CARMIL1: variants seen among roughly 807,000 people sequenced by gnomAD.
CARMIL1 encodes F-actin-uncapping protein LRRC16A.
A neutral mutation model predicts 177.1 loss-of-function variants in CARMIL1; 90 were observed. The observed-to-expected ratio is 0.51, with a 90% CI of 0.43 to 0.61. The LOEUF is 0.61. Ranked by LOEUF, CARMIL1 falls within the 20% of genes least tolerant of loss-of-function variation. CARMIL1 has a pLI of 0.00. For missense variants in CARMIL1, 1,380 were observed against 1,667.0 expected (o/e 0.83, Z 3.00); for synonymous variants, 577 against 606.2 (o/e 0.95, Z 0.71).
intron 8 of CARMIL1, among the ~76,000 whole-genome samples, chr6:25,461,432 C>T (rs1392943871): frequency 6.6e-6 from 1 of 152,216 alleles, no homozygotes; most frequent in African/African-American, 2.4e-5. Context: ...AAGAGTTCCT[C>T]ATTCACGTGT....
intron 2 of CARMIL1, among the ~76,000 whole-genome samples, chr6:25,373,078 C>T (rs1289516985): frequency 6.6e-6 from 1 of 151,982 alleles, no homozygotes; most frequent in Non-Finnish European, 1.5e-5. Flanking sequence ...TTAAATCATC[C>T]CTACATCCTG....
At chr6:25,407,162 G>C (rs1794450892) in intron 2 of CARMIL1, among the ~76,000 whole-genome samples, 5 of 152,118 alleles carry the variant, frequency 3.3e-5, no homozygotes. Flanking sequence ...CACTAGATGA[G>C]TGAATTGGAG....
At chr6:25,382,560 C>T (rs756941988) in intron 2 of CARMIL1, among the ~76,000 whole-genome samples, 27 of 152,088 alleles carry the variant, frequency 1.8e-4, no homozygotes, top group Non-Finnish European at 2.8e-4. Context: ...CTTTTATTCC[C>T]TTATTTGTCC....
chr6:25,455,735 G>T (rs1322167364), intron 8 of CARMIL1, among the ~76,000 whole-genome samples: 1 of 152,096 alleles, frequency 6.6e-6, no homozygotes, highest in Admixed American at 6.5e-5. Context: ...TTTCTGCCTA[G>T]AAGTTTGTAA....
At chr6:25,398,376 A>G (rs1006538192) in intron 2 of CARMIL1, among the ~76,000 whole-genome samples, 3 of 152,246 alleles carry the variant, frequency 2.0e-5, no homozygotes, top group South Asian at 4.1e-4. Flanking sequence ...CAAGTATATT[A>G]AAGTAATGGA....
chr6:25,484,799 G>A (rs1006586382), intron 12 of CARMIL1, among the ~76,000 whole-genome samples: 13 of 152,102 alleles, frequency 8.5e-5, no homozygotes, highest in Non-Finnish European at 1.8e-4. Context: ...AAGTTTATAT[G>A]ACTTGTGTAC....
rs189044678 is a variant in CARMIL1, at chr6:25,471,257, C to T, written c.779C>T (p.Thr260Ile). 203 of 1,603,872 alleles carry T rather than the reference C, an allele frequency of 1.3e-4. No homozygotes were observed. The highest frequency in any genetic ancestry group is 5.0e-4 in the Middle Eastern group (3 of 6,034). ...GTGTTGGAAAATGCTGGACTTAGAACGTGAGTATTTTCCTGAATATATAAA... is the reference window on the plus strand; with the variant it reads ...GTGTTGGAAAATGCTGGACTTAGAATGTGAGTATTTTCCTGAATATATAAA... ...ELVLENAGLRTDFAQKLASAL... is the reference protein window; with the variant it reads ...ELVLENAGLRIDFAQKLASAL... Residue 260 changes from threonine (T) to isoleucine (I), a missense_variant and splice_region_variant, in exon 10 of 37, where the codon ACA (threonine) becomes ATA (isoleucine). Physicochemically the swap from Thr to Ile is moderately conservative, Grantham distance 89. Coordinates refer to ENST00000329474, the MANE Select transcript of CARMIL1 (RefSeq NM_017640.6).
intron 8 of CARMIL1, among the ~76,000 whole-genome samples, chr6:25,453,883 CTTTA>C (rs1432646698): frequency 6.6e-6 from 1 of 152,026 alleles, no homozygotes; most frequent in African/African-American, 2.4e-5. Context: ...TTTGGACTTA[CTTTA>C]TTATGCCATA....
At chr6:25,611,552 A>T (rs1816505796) in intron 36 of CARMIL1, among the ~76,000 whole-genome samples, 1 of 152,200 alleles carries the variant, frequency 6.6e-6, no homozygotes, top group Non-Finnish European at 1.5e-5. Flanking sequence ...TTTACTTTTA[A>T]GGAAGCGTTG....
At chr6:25,290,581 A>G (rs1781872771) in intron 2 of CARMIL1, among the ~76,000 whole-genome samples, 1 of 151,316 alleles carries the variant, frequency 6.6e-6, no homozygotes, top group African/African-American at 2.4e-5. Context: ...TTTGATTTGG[A>G]ATTTGGGTTA....
At chr6:25,460,528 C>G (rs142056931) in intron 8 of CARMIL1, among the ~76,000 whole-genome samples, 340 of 152,298 alleles carry the variant, frequency 2.2e-3, no homozygotes, top group African/African-American at 7.7e-3. Flanking sequence ...TCACTCTACA[C>G]TAGACCTTGC....
At chr6:25,351,368 C>T (rs1231333115) in intron 2 of CARMIL1, among the ~76,000 whole-genome samples, 1 of 152,114 alleles carries the variant, frequency 6.6e-6, no homozygotes, top group Non-Finnish European at 1.5e-5. Context: ...ATTTAAACTT[C>T]CACACACAGC....
chr6:25,482,252 C>T lies in CARMIL1; in HGVS notation c.875-5C>T. The T allele has an allele frequency of 6.7e-7, 1 of 1,502,770 alleles. No homozygotes were observed. The highest frequency in any genetic ancestry group is 9.1e-7 in the Non-Finnish European group (1 of 1,097,270). 93.1% of individuals were successfully genotyped at this position (1,502,770 alleles called of 1,614,324 possible). On this transcript the variant is annotated splice_polypyrimidine_tract_variant and splice_region_variant and intron_variant, in intron 11 of 36. Transcript: ENST00000329474. ...AATTCTAATCGCTTCTTTTTCCTTTCTCAGGTGTGTCCTCTTTAAGTATTC... is the reference window on the plus strand; with the variant it reads ...AATTCTAATCGCTTCTTTTTCCTTTTTCAGGTGTGTCCTCTTTAAGTATTC...
chr6:25,328,833 AAT>A lies in CARMIL1; in HGVS notation c.138+43925_138+43926del, dbSNP rs1785351168. On this transcript the variant is annotated intron_variant, in intron 2 of 36. Transcript: ENST00000329474. ...ATAATTAAAAATTTAAAAAAAATGC[AAT>A]GAGAGGGGAAAAAAATCTCCTGGAT... Among the ~76,000 whole-genome samples the A allele has an allele frequency of 8.7e-5, 12 of 138,674 alleles. No homozygotes were observed. The South Asian group carries it at 2.7e-3, about 31-fold the overall frequency. The allele number at this position is 138,674 out of a possible 152,430, so 91.0% of individuals were successfully genotyped here.
chr6:25,339,152 GTGT>G (rs1303540855), intron 2 of CARMIL1, among the ~76,000 whole-genome samples: 1 of 152,200 alleles, frequency 6.6e-6, no homozygotes, highest in Non-Finnish European at 1.5e-5. Context: ...TGGACAGGTG[GTGT>G]AGCGTCACCT....
At chr6:25,609,108 T>C (rs1816266941) in intron 35 of CARMIL1, among the ~76,000 whole-genome samples, 1 of 152,028 alleles carries the variant, frequency 6.6e-6, no homozygotes, top group Admixed American at 6.5e-5. Context: ...CTGTGAGCCA[T>C]GGGTTGGACA....
intron 17 of CARMIL1, among the ~76,000 whole-genome samples, chr6:25,503,881 G>A (rs961283040): frequency 1.3e-5 from 2 of 152,098 alleles, no homozygotes; most frequent in Admixed American, 6.5e-5. Context: ...GCATTTGGCT[G>A]GCAGGTGTTG....
intron 2 of CARMIL1, among the ~76,000 whole-genome samples, chr6:25,400,159 G>T (rs952560733): frequency 1.3e-5 from 2 of 152,124 alleles, no homozygotes; most frequent in African/African-American, 4.8e-5. Flanking sequence ...TCTGTCCTTA[G>T]CCTCAATTCC....
At chr6:25,441,320 C>CATATATATATATAT (rs199573016) in intron 5 of CARMIL1, among the ~76,000 whole-genome samples, 282 of 99,592 alleles carry the variant, frequency 2.8e-3, no homozygotes, top group Middle Eastern at 9.2e-3. Flanking sequence ...AACAAACAAA[C>CATATATATATATAT]ATATATATAT....
Sources: gnomAD v4.1 joint callset for allele counts (sites outside exome capture counted in the v4.1 genomes callset) on GRCh38, gnomAD v4.1.1 for gene constraint, MANE v1.5 for transcripts, NCBI Gene and HGNC (gene_info 2026-07-23, HGNC 2026-07-21) for gene names.